The following MAX variants were observed in gnomAD, a reference collection of about 807,000 sequenced individuals.
MAX encodes MYC associated transcriptional regulator X.
MAX carries 3 observed loss-of-function variants against 22.3 expected under a neutral mutation model. The ratio of observed to expected loss-of-function variants is 0.13; its 90% confidence interval spans 0.06 to 0.35. MAX has a LOEUF of 0.35. MAX is among the 10% of genes least tolerant of loss of function. MAX has a pLI of 1.00. For synonymous variants in MAX, 72 were observed against 77.7 expected (o/e 0.93, Z 0.39); for missense variants, 119 against 209.4 (o/e 0.57, Z 2.66).
chr14:65,027,777 G>T lies in MAX; in HGVS notation c.172-21493C>A. 1.2e-6 allele frequency: 2 copies of T among 1,614,172 alleles called. No individual in the cohort carries two copies. Among genetic ancestry groups the T allele is most frequent in the Non-Finnish European group, 1.7e-6 (2 of 1,180,034 alleles). On this transcript the variant is annotated intron_variant, in intron 3 of 3. Transcript: ENST00000341653. This position sits in a 1 kb window ranked among gnomAD's most constrained non-coding sequence, Gnocchi z 5.7. ...CATGCATGTCGGAGGTGAGGTGGAT[G>T]TGAGGTGAGTGGGGTTTTGCACAGG...
At chr14:65,058,116 T>G (rs1285565040) in intron 3 of MAX, among the ~76,000 whole-genome samples, 1 of 152,146 alleles carries the variant, frequency 6.6e-6, no homozygotes, top group African/African-American at 2.4e-5. Flanking sequence ...CCAACTTTTT[T>G]TTTTTTCTTC....
At chr14:65,045,990 G>T (rs112087262) in intron 3 of MAX, among the ~76,000 whole-genome samples, 1 of 152,128 alleles carries the variant, frequency 6.6e-6, no homozygotes, top group African/African-American at 2.4e-5. Flanking sequence ...TTTTATTTTA[G>T]TATTATTTTT....
intron 3 of MAX, among the ~76,000 whole-genome samples, chr14:65,086,011 C>A (rs2063326166): frequency 6.6e-6 from 1 of 152,052 alleles, no homozygotes; most frequent in South Asian, 2.1e-4. Context: ...TTGGTCTTTC[C>A]CATGTTGTTC....
downstream of MAX, among the ~76,000 whole-genome samples, chr14:65,070,207 A>G (rs938911665): frequency 6.6e-6 from 1 of 152,212 alleles, no homozygotes; most frequent in African/African-American, 2.4e-5. This position sits in a 1 kb window ranked among gnomAD's most constrained non-coding sequence, Gnocchi z 4.4. Context: ...TCTGGAGAGA[A>G]GGCACACCTC....
chr14:65,015,410 C>CTTTT (rs888923691), intron 3 of MAX: 28 of 155,736 alleles, frequency 1.8e-4, no homozygotes, highest in South Asian at 3.6e-4. Context: ...GCCTTGTTAT[C>CTTTT]TTTTTTTTTT....
intron 3 of MAX, chr14:65,015,501 G>T: frequency 7.2e-6 from 4 of 557,152 alleles, no homozygotes; most frequent in Non-Finnish European, 1.1e-5. Flanking sequence ...ACTGATTGTT[G>T]TTTGAGCAAG....
At chr14:65,085,759 G>A (rs552035164) in intron 3 of MAX, among the ~76,000 whole-genome samples, 1 of 152,182 alleles carries the variant, frequency 6.6e-6, no homozygotes, top group Non-Finnish European at 1.5e-5. Flanking sequence ...CAGGCTGCAG[G>A]TAGGCCTTGT....
chr14:65,015,394 C>T (rs1356194114), intron 3 of MAX: 9 of 389,090 alleles, frequency 2.3e-5, no homozygotes, highest in Admixed American at 1.6e-4. Flanking sequence ...TGAACCACCG[C>T]GCCCAGCCTT....
rs375343995 is a variant in MAX at position 65,075,459 on chromosome 14, G to A, written c.*1017C>T. On this transcript the variant is annotated 3_prime_UTR_variant, in exon 5 of 5. Transcript: ENST00000358664. The surrounding 1 kb of genome is among the most constrained non-coding windows in gnomAD (Gnocchi z 4.1). ...CTGGGAAGGGTCCGCACTGGGGTGC[G>A]GGTTTAGTACCAGGTAAATTGCTCT... 13 of 1,064,130 alleles carry A rather than the reference G, an allele frequency of 1.2e-5. No individual in the cohort carries two copies. The Admixed American group carries it at 2.1e-4, about 18-fold the overall frequency. 65.9% of individuals were successfully genotyped at this position (1,064,130 alleles called of 1,614,324 possible). A position where few individuals can be genotyped will look rare whatever the true frequency, so the allele number is the denominator to read the frequency against.
At position 65,012,293 on chromosome 14, in the gene MAX, C is replaced by G. The variant is rs1286889906; in HGVS notation, c.172-6009G>C. On this transcript the variant is annotated intron_variant, in intron 3 of 3. Transcript: ENST00000341653. This position sits in a 1 kb window ranked among gnomAD's most constrained non-coding sequence, Gnocchi z 5.0. Reference sequence around the variant, plus strand: ...TGGAAGCATAAGCTATTAGAATGGGCTTATAAACTGTTTGTCTTTCCAGGC... The same window carrying G: ...TGGAAGCATAAGCTATTAGAATGGGGTTATAAACTGTTTGTCTTTCCAGGC... 7 of 1,613,702 alleles carry G rather than the reference C, an allele frequency of 4.3e-6. No individual in the cohort carries two copies. Among genetic ancestry groups the G allele is most frequent in the Non-Finnish European group, 5.1e-6 (6 of 1,179,814 alleles).
rs2063391850 is a variant in MAX at position 65,088,141 on chromosome 14, C to T, written c.171+5567G>A. 6.6e-6 allele frequency among the ~76,000 whole-genome samples: 1 copy of T among 152,112 alleles called. No individual in the cohort carries two copies. Among genetic ancestry groups the T allele is most frequent in the South Asian group, 2.1e-4 (1 of 4,826 alleles). The stretch of plus-strand genomic sequence containing the variant: ...CTAAACCTCCTTCTTTTGTAAATTG[C>T]CCAGTCTCAGGTATGTCTTTATCAG... On this transcript the variant is annotated intron_variant, in intron 3 of 4. Coordinates refer to ENST00000358664, the MANE Select transcript of MAX (RefSeq NM_002382.5). This position sits in a 1 kb window ranked among gnomAD's most constrained non-coding sequence, Gnocchi z 5.2.
chr14:65,018,551 T>C (rs1288205971), intron 3 of MAX, among the ~76,000 whole-genome samples: 4 of 152,190 alleles, frequency 2.6e-5, no homozygotes, highest in African/African-American at 9.6e-5. Context: ...GTCTCACACC[T>C]GTAATCCCAG....
chr14:65,023,705 T>A lies in MAX; in HGVS notation c.172-17421A>T, dbSNP rs2061927893. 6.6e-6 allele frequency among the ~76,000 whole-genome samples: 1 copy of A among 152,234 alleles called. No homozygotes were observed. ...AATTGAGAATTTAAATTGCCTCATGTGGCTAGTGGCTGCCTATTGGACAGC... is the reference window on the plus strand; with the variant it reads ...AATTGAGAATTTAAATTGCCTCATGAGGCTAGTGGCTGCCTATTGGACAGC... On this transcript the variant is annotated intron_variant, in intron 3 of 3. Coordinates refer to the MAX transcript ENST00000341653. The surrounding 1 kb of genome is among the most constrained non-coding windows in gnomAD (Gnocchi z 4.1).
chr14:65,101,427 G>A (rs2063828258), intron 2 of MAX, 119 bp downstream of exon 2: 2 of 940,950 alleles, frequency 2.1e-6, no homozygotes, highest in Non-Finnish European at 3.3e-6. Context: ...CACCTTAGTG[G>A]TTAACATTAG....
rs778010324 is a variant in MAX, at chr14:65,077,652, C to T, written c.295+261G>A. The T allele has an allele frequency of 1.4e-6, 2 of 1,426,946 alleles. No homozygotes were observed. 88.4% of individuals were successfully genotyped at this position (1,426,946 alleles called of 1,614,324 possible). A position where few individuals can be genotyped will look rare whatever the true frequency, so the allele number is the denominator to read the frequency against. On this transcript the variant is annotated intron_variant, in intron 4 of 4. Coordinates refer to ENST00000358664, the MANE Select transcript of MAX (RefSeq NM_002382.5). The surrounding 1 kb of genome is among the most constrained non-coding windows in gnomAD (Gnocchi z 6.3). ...TACTGCAGGCAGAGCACCTGAGCCC[C>T]AAGAAGGGGAGAGGTCAGGCCAGAA...
intron 3 of MAX, among the ~76,000 whole-genome samples, chr14:65,034,172 C>T (rs962065351): frequency 5.9e-5 from 9 of 152,144 alleles, no homozygotes; most frequent in Admixed American, 3.3e-4. Flanking sequence ...TGCACACGTG[C>T]GTTTTGAGTT....
At chr14:65,061,515 C>T (rs2062865184) in intron 3 of MAX, 8 of 875,592 alleles carry the variant, frequency 9.1e-6, no homozygotes, top group Non-Finnish European at 1.3e-5. Flanking sequence ...CTTTCCACAC[C>T]TGTCAAACCA....
At chr14:65,073,223 G>T (rs1242672348), downstream of MAX, among the ~76,000 whole-genome samples, 2 of 152,166 alleles carry the variant, frequency 1.3e-5, no homozygotes, top group African/African-American at 4.8e-5. Context: ...GCAGAGACAG[G>T]ACTGTGAACC....
intron 3 of MAX, among the ~76,000 whole-genome samples, chr14:65,053,969 T>C (rs982575349): frequency 2.6e-5 from 4 of 152,182 alleles, no homozygotes; most frequent in African/African-American, 9.6e-5. Context: ...GTACTGCCCC[T>C]GGAGAGCCCT....
Sources: gnomAD v4.1 joint callset for allele counts (sites outside exome capture counted in the v4.1 genomes callset) on GRCh38, gnomAD v4.1.1 for gene constraint, Gnocchi (gnomAD v3.1) non-coding constraint, MANE v1.5 for transcripts, NCBI Gene and HGNC (gene_info 2026-07-23, HGNC 2026-07-21) for gene names.